The following DPT variants were observed in gnomAD, a reference collection of about 807,000 sequenced individuals.
The protein encoded by DPT is dermatopontin.
Under a neutral mutation model 31.2 loss-of-function variants are expected in DPT, and 21 were observed. The observed-to-expected ratio is 0.67, with a 90% CI of 0.48 to 0.97. The LOEUF (loss-of-function observed/expected upper bound fraction) is 0.97, where lower values mean the gene tolerates loss of function less well. Among genes scored for constraint, DPT ranks in the 50% least tolerant of loss-of-function variants. DPT has a pLI of 0.00. For missense variants in DPT, 262 were observed against 258.8 expected (o/e 1.01, Z -0.08); for synonymous variants, 91 against 86.9 (o/e 1.05, Z -0.26).
chr1:168,721,320 A>C (rs184028217), intron 1 of DPT, among the ~76,000 whole-genome samples: 62 of 152,346 alleles, frequency 4.1e-4, no homozygotes, highest in African/African-American at 1.3e-3. Flanking sequence ...CTAGGATGAC[A>C]GTTCTTAACC....
At position 168,729,019 on chromosome 1, in the gene DPT, C is replaced by CT; in HGVS notation, c.155dup (p.Gln54AlafsTer17). 6.2e-7 allele frequency: 1 copy of CT among 1,614,230 alleles called. No individual in the cohort carries two copies. The highest frequency in any genetic ancestry group is 1.1e-5 in the South Asian group (1 of 91,088). The stretch of plus-strand genomic sequence containing the variant: ...TCCTCACGGCCACTATCACCTGCCC[C>CT]TGGGGACACTGGTAGCTGAAGCCTT... On this transcript the variant is annotated frameshift_variant, in exon 1 of 4. Coordinates refer to ENST00000367817, the MANE Select transcript of DPT (RefSeq NM_001937.5). LOFTEE classifies it high-confidence loss of function.
intron 2 of DPT, among the ~76,000 whole-genome samples, chr1:168,706,896 C>T (rs1367806817): frequency 6.6e-6 from 1 of 152,206 alleles, no homozygotes; most frequent in Non-Finnish European, 1.5e-5. Context: ...TCATTAGCCA[C>T]ATTATGTGGT....
intron 3 of DPT, among the ~76,000 whole-genome samples, chr1:168,700,624 T>C (rs920180802): frequency 6.6e-6 from 1 of 152,068 alleles, no homozygotes; most frequent in Non-Finnish European, 1.5e-5. Context: ...CTCTTTGAAA[T>C]TGAGTGAGGG....
At chr1:168,718,855 G>A (rs1650040257) in intron 1 of DPT, among the ~76,000 whole-genome samples, 1 of 152,150 alleles carries the variant, frequency 6.6e-6, no homozygotes, top group Non-Finnish European at 1.5e-5. Flanking sequence ...GTAATTATGA[G>A]TCTACTTTGT....
intron 1 of DPT, among the ~76,000 whole-genome samples, chr1:168,725,254 T>TTTCCTTTCCTTTC (rs1557852197): frequency 1.3e-3 from 45 of 33,710 alleles, no homozygotes; most frequent in South Asian, 3.8e-3. Flanking sequence ...CTTTCCTTTC[T>TTTCCTTTCCTTTC]CTTTCCCTTC....
At chr1:168,716,915 T>C (rs1223366635) in intron 1 of DPT, among the ~76,000 whole-genome samples, 6 of 152,342 alleles carry the variant, frequency 3.9e-5, no homozygotes, top group South Asian at 2.1e-4. Context: ...TAGTATTCCA[T>C]GGTGTATATG....
intron 3 of DPT, 83 bp from the exon 4 acceptor site, chr1:168,696,698 G>T: frequency 8.0e-7 from 1 of 1,248,538 alleles, no homozygotes; most frequent in Non-Finnish European, 1.2e-6. Context: ...CAGCAGCAGA[G>T]AACATTTGGA....
At chr1:168,703,928 C>G (rs191558028) in intron 2 of DPT, among the ~76,000 whole-genome samples, 1 of 152,180 alleles carries the variant, frequency 6.6e-6, no homozygotes, top group African/African-American at 2.4e-5. Flanking sequence ...TGCATGTGCA[C>G]GCGCACACAC....
chr1:168,699,066 G>A (rs1391375155), intron 3 of DPT, among the ~76,000 whole-genome samples: 2 of 152,098 alleles, frequency 1.3e-5, no homozygotes, highest in Non-Finnish European at 2.9e-5. Flanking sequence ...TTACTAAAAA[G>A]TGAATTTACT....
intron 1 of DPT, among the ~76,000 whole-genome samples, chr1:168,724,825 A>G (rs533798644): frequency 7.3e-6 from 1 of 137,898 alleles, no homozygotes; most frequent in South Asian, 2.5e-4. Context: ...ATGCTGCCAT[A>G]GCCCTGTTGC....
chr1:168,729,150 G>A lies in DPT; in HGVS notation c.25C>T (p.Leu9Phe). The change falls in exon 1 of 4, where the codon CTT becomes TTT. Residue 9 changes from leucine (L) to phenylalanine (F), a missense_variant. Coordinates refer to ENST00000367817, the MANE Select transcript of DPT (RefSeq NM_001937.5). MDLSLLWV[L>F]LPLVTMAWGQ... is the part of the protein sequence containing the mutation. ...CAGGCCATGGTGACTAGGGGCAGAA[G>A]TACCCAGAGAAGACTGAGGTCCATG... 1 of 1,614,062 alleles carries A rather than the reference G, an allele frequency of 6.2e-7. No homozygotes were observed. Among genetic ancestry groups the A allele is most frequent in the Non-Finnish European group, 8.5e-7 (1 of 1,179,962 alleles).
intron 1 of DPT, among the ~76,000 whole-genome samples, chr1:168,720,349 A>G (rs759556591): frequency 4.6e-5 from 7 of 152,216 alleles, no homozygotes; most frequent in Non-Finnish European, 1.0e-4. Flanking sequence ...TGTTGTCTGC[A>G]TTCTTTACCA....
intron 3 of DPT, among the ~76,000 whole-genome samples, chr1:168,697,087 C>A (rs1432514644): frequency 6.6e-6 from 1 of 151,932 alleles, no homozygotes. Flanking sequence ...TATGTGGAAA[C>A]CCTGACTCCA....
intron 1 of DPT, among the ~76,000 whole-genome samples, chr1:168,725,215 A>ATTCAT (rs1650211437): frequency 9.0e-6 from 1 of 110,716 alleles, no homozygotes; most frequent in African/African-American, 3.6e-5. Context: ...TTTCCTTTCC[A>ATTCAT]TTCCTTTCCT....
chr1:168,718,804 A>G (rs1650039513), intron 1 of DPT, among the ~76,000 whole-genome samples: 1 of 152,208 alleles, frequency 6.6e-6, no homozygotes, highest in South Asian at 2.1e-4. Context: ...GGATTAATAA[A>G]TTGCTTATTA....
intron 3 of DPT, among the ~76,000 whole-genome samples, chr1:168,699,056 T>G (rs1436673492): frequency 1.3e-5 from 2 of 152,194 alleles, no homozygotes; most frequent in African/African-American, 2.4e-5. Context: ...ACCGAAAAAT[T>G]TACTAAAAAG....
At chr1:168,717,189 T>C (rs916659591) in intron 1 of DPT, among the ~76,000 whole-genome samples, 1 of 152,256 alleles carries the variant, frequency 6.6e-6, no homozygotes. Context: ...AAAGAATTCC[T>C]ATTTCTTCAC....
chr1:168,701,706 G>A (rs1333943728), intron 2 of DPT, among the ~76,000 whole-genome samples: 1 of 152,184 alleles, frequency 6.6e-6, no homozygotes, highest in Non-Finnish European at 1.5e-5. Flanking sequence ...TAATTAAAAT[G>A]TAAGCTCCCC....
At chr1:168,728,248 C>T (rs992326287) in intron 1 of DPT, among the ~76,000 whole-genome samples, 1 of 152,186 alleles carries the variant, frequency 6.6e-6, no homozygotes, top group Admixed American at 6.5e-5. Context: ...GAGAGAAGGA[C>T]CTCAGTACTC....
Sources: allele counts gnomAD v4.1 joint callset (sites outside exome capture counted in the v4.1 genomes callset), GRCh38; gene constraint gnomAD v4.1.1; transcripts MANE v1.5; gene names NCBI Gene and HGNC (gene_info 2026-07-23, HGNC 2026-07-21).